The following SORCS1 variants were observed in gnomAD, a reference collection of about 807,000 sequenced individuals.
SORCS1 encodes sortilin related VPS10 domain containing receptor 1, also known as VPS10 domain-containing receptor SorCS1.
A neutral mutation model predicts 146.1 loss-of-function variants in SORCS1; 60 were observed. The ratio of observed to expected loss-of-function variants is 0.41; its 90% confidence interval spans 0.33 to 0.51. The LOEUF (loss-of-function observed/expected upper bound fraction) is 0.51, where lower values mean the gene tolerates loss of function less well. Among genes scored for constraint, SORCS1 ranks in the 20% least tolerant of loss-of-function variants. SORCS1 has a pLI of 0.21. For missense variants in SORCS1, 1,352 were observed against 1,487.6 expected (o/e 0.91, Z 1.50); for synonymous variants, 637 against 584.0 (o/e 1.09, Z -1.31).
intron 1 of SORCS1, among the ~76,000 whole-genome samples, chr10:107,154,138 A>G: frequency 6.6e-6 from 1 of 150,786 alleles, no homozygotes; most frequent in East Asian, 2.0e-4. Flanking sequence ...CAGCCTCCCA[A>G]GTAGCTGGGA....
At chr10:107,159,837 C>T (rs1039193767) in intron 1 of SORCS1, among the ~76,000 whole-genome samples, 1 of 151,326 alleles carries the variant, frequency 6.6e-6, no homozygotes, top group Non-Finnish European at 1.5e-5. Flanking sequence ...GTCAGCTCCT[C>T]CCCACCGAAA....
chr10:107,160,590 C>T (rs943044913), intron 1 of SORCS1, among the ~76,000 whole-genome samples: 3 of 152,118 alleles, frequency 2.0e-5, no homozygotes, highest in Non-Finnish European at 4.4e-5. Context: ...AGAAATGTAA[C>T]ATTAAAGATG....
chr10:107,148,272 C>A (rs1289546280), intron 1 of SORCS1, among the ~76,000 whole-genome samples: 1 of 152,164 alleles, frequency 6.6e-6, no homozygotes, highest in Non-Finnish European at 1.5e-5. Context: ...GCAAACGTTC[C>A]TGTAAAGGGT....
rs548112497 is a variant in SORCS1 at position 106,923,223 on chromosome 10, T to C, written c.626+33290A>G. Among the ~76,000 whole-genome samples the C allele has an allele frequency of 2.6e-5, 4 of 152,334 alleles. No homozygotes were observed. In the East Asian group the frequency reaches 5.8e-4, roughly 22 times the overall value. On this transcript the variant is annotated intron_variant, in intron 2 of 25. Coordinates refer to ENST00000263054, the MANE Select transcript of SORCS1 (RefSeq NM_052918.5). ...CTTTCTTACCGTCTCCGTAGTTTTA[T>C]CTTTTCCAGAATGTCATGTATTTGG...
At chr10:107,044,098 A>G (rs1959197926) in intron 1 of SORCS1, among the ~76,000 whole-genome samples, 1 of 152,174 alleles carries the variant, frequency 6.6e-6, no homozygotes, top group African/African-American at 2.4e-5. Context: ...TGCTGGAAAC[A>G]ACAAAAAAAG....
intron 13 of SORCS1, among the ~76,000 whole-genome samples, chr10:106,676,865 G>A (rs1430222211): frequency 2.0e-5 from 3 of 152,152 alleles, no homozygotes; most frequent in South Asian, 4.1e-4. Context: ...TCAAGGAGCT[G>A]AAACTTACCA....
At chr10:107,142,052 A>G (rs1051832336) in intron 1 of SORCS1, among the ~76,000 whole-genome samples, 17 of 152,192 alleles carry the variant, frequency 1.1e-4, no homozygotes, top group Non-Finnish European at 2.5e-4. Context: ...ACCTTGAATT[A>G]TCCTCCCCAA....
At chr10:106,951,413 A>C (rs1055690753) in intron 2 of SORCS1, among the ~76,000 whole-genome samples, 4 of 151,592 alleles carry the variant, frequency 2.6e-5, no homozygotes, top group Admixed American at 6.6e-5. Context: ...GGGAGGCTGA[A>C]GCAAGAGAAT....
chr10:106,726,185 C>CTCTTT (rs1435746962), intron 6 of SORCS1, among the ~76,000 whole-genome samples: 9 of 66,300 alleles, frequency 1.4e-4, no homozygotes, highest in East Asian at 9.7e-4. Flanking sequence ...CTTTCCCTCT[C>CTCTTT]TTTTTTTTTT....
At chr10:107,018,253 C>A (rs1957981510) in intron 1 of SORCS1, among the ~76,000 whole-genome samples, 1 of 152,068 alleles carries the variant, frequency 6.6e-6, no homozygotes, top group African/African-American at 2.4e-5. Flanking sequence ...TGGCTCACTG[C>A]AAGCTCTGCC....
chr10:106,692,127 G>A (rs1305829274), intron 9 of SORCS1, among the ~76,000 whole-genome samples: 1 of 152,048 alleles, frequency 6.6e-6, no homozygotes, highest in African/African-American at 2.4e-5. Context: ...CTGCAGCCAC[G>A]ACCTCCTGGG....
intron 2 of SORCS1, among the ~76,000 whole-genome samples, chr10:106,956,107 C>A (rs1354683220): frequency 6.7e-6 from 1 of 148,238 alleles, no homozygotes; most frequent in Admixed American, 6.8e-5. Context: ...CCAGCCTGGG[C>A]AACAAGACCA....
intron 23 of SORCS1, among the ~76,000 whole-genome samples, chr10:106,603,283 C>T (rs72821151): frequency 0.02 from 3,056 of 152,248 alleles, 36 homozygotes; most frequent in Middle Eastern, 0.048. Flanking sequence ...GACAGCAGCA[C>T]GCGCTCCCCT....
chr10:106,885,273 T>A (rs1950952747), intron 2 of SORCS1, among the ~76,000 whole-genome samples: 1 of 139,470 alleles, frequency 7.2e-6, no homozygotes. Flanking sequence ...ATAAAGTTTT[T>A]AAGGAGAAAA....
At chr10:106,700,629 A>C (rs1854069533) in intron 8 of SORCS1, among the ~76,000 whole-genome samples, 2 of 152,094 alleles carry the variant, frequency 1.3e-5, no homozygotes, top group East Asian at 1.9e-4. Flanking sequence ...ATTCCACCTA[A>C]CTACTAACCT....
At chr10:106,777,309 T>C (rs1022267548) in intron 3 of SORCS1, among the ~76,000 whole-genome samples, 1 of 152,222 alleles carries the variant, frequency 6.6e-6, no homozygotes, top group Non-Finnish European at 1.5e-5. Context: ...ATTTATTTTG[T>C]TTCTTGTCTA....
At chr10:106,621,706 T>C (rs1847757863) in intron 19 of SORCS1, among the ~76,000 whole-genome samples, 2 of 151,992 alleles carry the variant, frequency 1.3e-5, no homozygotes, top group Non-Finnish European at 2.9e-5. Flanking sequence ...CTCATATTCA[T>C]CCAGGAGCCC....
At chr10:107,151,188 T>C (rs768502566) in intron 1 of SORCS1, among the ~76,000 whole-genome samples, 1 of 152,112 alleles carries the variant, frequency 6.6e-6, no homozygotes, top group Non-Finnish European at 1.5e-5. Context: ...CCTAGAGAAT[T>C]GGAGGGCTCA....
rs189127319 is a variant in SORCS1, at chr10:107,044,891, A to G, written c.559-88311T>C. On this transcript the variant is annotated intron_variant, in intron 1 of 25. Transcript: ENST00000263054. ...TATAGGTGCTGCATCAGATAGATGGAAAGGGGTGTCAGTTTTATATTGAAG... is the reference window on the plus strand; with the variant it reads ...TATAGGTGCTGCATCAGATAGATGGGAAGGGGTGTCAGTTTTATATTGAAG... Among the ~76,000 whole-genome samples the G allele has an allele frequency of 2.6e-5, 4 of 152,158 alleles. No homozygotes were observed. The East Asian group carries it at 7.7e-4, about 29-fold the overall frequency.
Sources: allele counts gnomAD v4.1 joint callset (sites outside exome capture counted in the v4.1 genomes callset), GRCh38; gene constraint gnomAD v4.1.1; transcripts MANE v1.5; gene names NCBI Gene and HGNC (gene_info 2026-07-23, HGNC 2026-07-21).